Variants in FERMT2 observed in about 807,000 individuals in gnomAD.
The protein encoded by FERMT2 is FERM domain containing kindlin 2.
In FERMT2, 15 loss-of-function variants were observed where a neutral mutation model predicts 82.7. The ratio of observed to expected loss-of-function variants is 0.18; its 90% CI spans 0.12 to 0.28. The LOEUF is 0.28. Ranked by LOEUF, FERMT2 falls within the 10% of genes least tolerant of loss-of-function variation. FERMT2 has a pLI of 1.00. For missense variants in FERMT2, 645 were observed against 809.4 expected, an observed-to-expected ratio of 0.80 and a Z score of 2.46; for synonymous variants, 274 against 271.5, an observed-to-expected ratio of 1.01 and a Z score of -0.09.
intron 6 of FERMT2, among the ~76,000 whole-genome samples, chr14:52,879,046 G>A (rs981440858): frequency 6.6e-6 from 1 of 152,112 alleles, no homozygotes; most frequent in African/African-American, 2.4e-5. Context: ...AAGTAAGGCG[G>A]AACTACCGAT....
chr14:52,870,710 A>G (rs58165979), intron 10 of FERMT2, among the ~76,000 whole-genome samples: 3,801 of 152,248 alleles, frequency 0.025, 159 homozygotes, highest in African/African-American at 0.087. Context: ...CTATACCATC[A>G]TGGTTTGTGT....
rs757477990 is a variant in FERMT2, at chr14:52,893,313, G to C, written c.506C>G (p.Pro169Arg). 14 of 1,608,686 alleles carry C rather than the reference G, an allele frequency of 8.7e-6. No homozygotes were observed. The highest frequency in any genetic ancestry group is 1.7e-4 in the Middle Eastern group (1 of 6,026). Residue 169 changes from proline (P) to arginine (R), a missense_variant, in exon 4 of 15, where the codon CCT becomes CGT. Physicochemically the swap from Pro to Arg is moderately radical, Grantham distance 103. Coordinates refer to ENST00000341590, the MANE Select transcript of FERMT2 (RefSeq NM_006832.3). ...SEDEALELEG[P>R]LITPGSGSIY... ...CTTACCTGATCCAGGAGTGATAAGA[G>C]GCCCCTCTAATTCAAGTGCCTCATC...
At chr14:52,934,353 C>A (rs1889738663) in intron 2 of FERMT2, among the ~76,000 whole-genome samples, 1 of 152,106 alleles carries the variant, frequency 6.6e-6, no homozygotes, top group African/African-American at 2.4e-5. Context: ...ACATTAAAAA[C>A]ATTGAGAAGT....
chr14:52,893,414 G>C lies in FERMT2; in HGVS notation c.405C>G (p.Pro135=). 6.2e-7 allele frequency: 1 copy of C among 1,600,396 alleles called. No homozygotes were observed. The highest frequency in any genetic ancestry group is 8.5e-7 in the Non-Finnish European group (1 of 1,174,776). The change falls in exon 4 of 15, where the codon CCC becomes CCG. Residue 135 remains proline, a synonymous_variant. Coordinates refer to ENST00000341590, the MANE Select transcript of FERMT2 (RefSeq NM_006832.3). ...GTTTCTTTAAGAGAGAAAGTTCTTC[G>C]GGGTGTCTGATATCTGTTAATAAAA... ...DICKTFNIRH[P]EELSLLKKPR... is the part of the protein sequence containing the mutation.
At chr14:52,945,819 G>C (rs1455271743) in intron 2 of FERMT2, among the ~76,000 whole-genome samples, 2 of 152,148 alleles carry the variant, frequency 1.3e-5, no homozygotes, top group African/African-American at 4.8e-5. Context: ...AATTTTTATA[G>C]AAAGGTGGAA....
chr14:52,933,195 T>C (rs975477559), intron 2 of FERMT2, among the ~76,000 whole-genome samples: 9 of 152,168 alleles, frequency 5.9e-5, no homozygotes, highest in Non-Finnish European at 1.3e-4. Flanking sequence ...ACAAGTTATA[T>C]TTTACTTTTT....
In FERMT2 at chr14:52,942,573, A is replaced by T. The variant is rs151241964; in HGVS notation, c.157+7839T>A. ...TGCCTCGGCCTCCCAAAGTGCTAGGATTACAGGCGTGAGCCACCCCGCCCG... is the reference window on the plus strand; with the variant it reads ...TGCCTCGGCCTCCCAAAGTGCTAGGTTTACAGGCGTGAGCCACCCCGCCCG... On this transcript the variant is annotated intron_variant, in intron 2 of 14. Transcript: ENST00000341590. Among the ~76,000 whole-genome samples the T allele has an allele frequency of 9.2e-3, 1,398 of 152,068 alleles. 20 individuals are homozygous for T. The highest frequency in any genetic ancestry group is 0.032 in the African/African-American group (1,314 of 41,490).
At chr14:52,916,205 T>C (rs1388527608) in intron 3 of FERMT2, among the ~76,000 whole-genome samples, 3 of 151,520 alleles carry the variant, frequency 2.0e-5, no homozygotes, top group Non-Finnish European at 4.4e-5. Context: ...TTAGCCCGGT[T>C]TGGTGGCAGG....
At chr14:52,933,816 T>G (rs1367012658) in intron 2 of FERMT2, among the ~76,000 whole-genome samples, 1 of 151,936 alleles carries the variant, frequency 6.6e-6, no homozygotes, top group Non-Finnish European at 1.5e-5. Flanking sequence ...TCCACAAATC[T>G]GTGCCCCACA....
At chr14:52,946,566 T>C (rs149034818) in intron 2 of FERMT2, among the ~76,000 whole-genome samples, 13 of 152,260 alleles carry the variant, frequency 8.5e-5, no homozygotes, top group Middle Eastern at 3.4e-3. Context: ...GGCAAGAGGA[T>C]TACTTGAGCC....
intron 3 of FERMT2, among the ~76,000 whole-genome samples, chr14:52,896,108 T>G (rs1328745393): frequency 6.6e-6 from 1 of 152,182 alleles, no homozygotes; most frequent in Non-Finnish European, 1.5e-5. Flanking sequence ...AAAAGCTACA[T>G]CATCACAAGG....
chr14:52,915,256 T>C (rs1888553737), intron 3 of FERMT2, among the ~76,000 whole-genome samples: 2 of 152,228 alleles, frequency 1.3e-5, no homozygotes, highest in South Asian at 2.1e-4. Context: ...CTATGGAATT[T>C]TCCCTAGAAA....
At chr14:52,920,765 C>G (rs1888913766) in intron 2 of FERMT2, among the ~76,000 whole-genome samples, 1 of 152,076 alleles carries the variant, frequency 6.6e-6, no homozygotes, top group African/African-American at 2.4e-5. Context: ...CCAGCCTGGA[C>G]AATGTGGTGA....
In FERMT2 at chr14:52,874,292, C is replaced by G. The variant is rs576055957; in HGVS notation, c.1099-66G>C. On this transcript the variant is annotated intron_variant, in intron 8 of 14. Transcript: ENST00000341590. The stretch of plus-strand genomic sequence containing the variant: ...TGAAATTCTTTCTAATGTTTGGTAT[C>G]TGATATCAAGAACTAGCTTACTTAA... 92 of 969,478 alleles carry G rather than the reference C, an allele frequency of 9.5e-5. No individual in the cohort carries two copies. In the African/African-American group the frequency reaches 1.5e-3, roughly 15 times the overall value. The allele number at this position is 969,478 out of a possible 1,614,324, so 60.1% of individuals were successfully genotyped here. A position where few individuals can be genotyped will look rare whatever the true frequency, so the allele number is the denominator to read the frequency against.
At chr14:52,945,979 C>A (rs577363612) in intron 2 of FERMT2, among the ~76,000 whole-genome samples, 1 of 152,094 alleles carries the variant, frequency 6.6e-6, no homozygotes, top group Non-Finnish European at 1.5e-5. Context: ...TGGGTTCGAG[C>A]GATTCTCCTG....
At chr14:52,905,926 G>C (rs1186487126) in intron 3 of FERMT2, among the ~76,000 whole-genome samples, 1 of 152,194 alleles carries the variant, frequency 6.6e-6, no homozygotes, top group Non-Finnish European at 1.5e-5. Flanking sequence ...ATTAAGAATG[G>C]AGGATTTCAA....
intron 2 of FERMT2, among the ~76,000 whole-genome samples, chr14:52,944,760 T>C (rs1890250703): frequency 6.6e-6 from 1 of 152,236 alleles, no homozygotes; most frequent in Non-Finnish European, 1.5e-5. Flanking sequence ...ATGTGCTAAG[T>C]TCACAATCTA....
intron 3 of FERMT2, among the ~76,000 whole-genome samples, chr14:52,896,889 A>G (rs1303818077): frequency 6.6e-6 from 1 of 151,800 alleles, no homozygotes; most frequent in Non-Finnish European, 1.5e-5. Flanking sequence ...CCAGCTACTC[A>G]GGAGGCTGAG....
At chr14:52,867,773 C>G (rs1885374554) in intron 10 of FERMT2, among the ~76,000 whole-genome samples, 1 of 152,128 alleles carries the variant, frequency 6.6e-6, no homozygotes, top group Non-Finnish European at 1.5e-5. Flanking sequence ...TTTCTACATT[C>G]TTCTCATCTT....
Sources: gnomAD v4.1 joint callset for allele counts (sites outside exome capture counted in the v4.1 genomes callset) on GRCh38, gnomAD v4.1.1 for gene constraint, MANE v1.5 for transcripts, NCBI Gene and HGNC (gene_info 2026-07-23, HGNC 2026-07-21) for gene names.